Variants in DLK1 observed in about 807,000 individuals in gnomAD.
The protein encoded by DLK1 is protein delta homolog 1.
In DLK1, 9 loss-of-function variants were observed where a neutral mutation model predicts 35.2. The ratio of observed to expected loss-of-function variants is 0.26; its 90% CI spans 0.15 to 0.45. The LOEUF (loss-of-function observed/expected upper bound fraction) is 0.45. Among genes scored for constraint, DLK1 ranks in the 20% least tolerant of loss-of-function variants. DLK1 has a pLI of 1.00. For synonymous variants in DLK1, 231 were observed against 228.4 expected, an observed-to-expected ratio of 1.01 and a Z score of -0.10; for missense variants, 522 against 528.5, an observed-to-expected ratio of 0.99 and a Z score of 0.12.
At chr14:100,730,738 G>A (rs2139860614) in intron 3 of DLK1, among the ~76,000 whole-genome samples, 1 of 152,346 alleles carries the variant, frequency 6.6e-6, no homozygotes, top group East Asian at 1.9e-4. Flanking sequence ...CTGACGCGGA[G>A]GCGCCACGTG....
chr14:100,736,865 C>T lies in DLK1; in HGVS notation c.*1969C>T, dbSNP rs1321481879. 2 of 148,694 alleles carry T rather than the reference C, an allele frequency of 1.3e-5. No individual in the cohort carries two copies. The highest frequency in any genetic ancestry group is 2.2e-4 in the South Asian group (1 of 4,544). The allele number at this position is 148,694 out of a possible 1,614,324, so 9.2% of individuals were successfully genotyped here. On this transcript the variant is annotated 3_prime_UTR_variant, in exon 5 of 5. Transcript: ENST00000341267. ...CCCTTCCCCTTCTCCAGCTCCCGTC[C>T]CCACTACCCCTCCCGTCCCCCAATC...
rs1291224051 is a variant in DLK1 at position 100,735,224 on chromosome 14, G to A, written c.*328G>A. ...GGCAACAGAACCAGGGCTCAGTGCCGACGCCCCTACCCTGGGGGTCTCGGC... is the reference window on the plus strand; with the variant it reads ...GGCAACAGAACCAGGGCTCAGTGCCAACGCCCCTACCCTGGGGGTCTCGGC... On this transcript the variant is annotated 3_prime_UTR_variant, in exon 5 of 5. Coordinates refer to ENST00000341267, the MANE Select transcript of DLK1 (RefSeq NM_003836.7). 1.3e-5 allele frequency: 3 copies of A among 225,738 alleles called. No individual in the cohort carries two copies. The highest frequency in any genetic ancestry group is 2.6e-5 in the Non-Finnish European group (3 of 117,354). The allele number at this position is 225,738 out of a possible 1,614,324, so 14.0% of individuals were successfully genotyped here.
chr14:100,728,177 G>C (rs1327653622), intron 1 of DLK1, among the ~76,000 whole-genome samples: 1 of 152,144 alleles, frequency 6.6e-6, no homozygotes, highest in Non-Finnish European at 1.5e-5. Flanking sequence ...AGTGTACTGT[G>C]GTCATTTCAT....
chr14:100,735,246 C>G lies in DLK1; in HGVS notation c.*350C>G, dbSNP rs1200229271. On this transcript the variant is annotated 3_prime_UTR_variant, in exon 5 of 5. Coordinates refer to ENST00000341267, the MANE Select transcript of DLK1 (RefSeq NM_003836.7). The stretch of plus-strand genomic sequence containing the variant: ...GCCGACGCCCCTACCCTGGGGGTCT[C>G]GGCCACATGGTCCTCGTGAAACCGT... 1 of 204,324 alleles carries G rather than the reference C, an allele frequency of 4.9e-6. No individual in the cohort carries two copies. 12.7% of individuals were successfully genotyped at this position (204,324 alleles called of 1,614,324 possible). A position where few individuals can be genotyped will look rare whatever the true frequency, so the allele number is the denominator to read the frequency against.
At position 100,735,168 on chromosome 14, in the gene DLK1, T is replaced by A. The variant is rs1204740297; in HGVS notation, c.*272T>A. 2.3e-5 allele frequency: 8 copies of A among 344,924 alleles called. No individual in the cohort carries two copies. Among genetic ancestry groups the A allele is most frequent in the Non-Finnish European group, 3.5e-5 (7 of 201,034 alleles). The allele number at this position is 344,924 out of a possible 1,614,324, so 21.4% of individuals were successfully genotyped here. On this transcript the variant is annotated 3_prime_UTR_variant, in exon 5 of 5. Transcript: ENST00000341267. ...TGTTATTCTAAAATCTAAACTCAAA[T>A]GAAATTTCAAAAAAGACCAAAAAAA...
At chr14:100,729,178 C>A (rs748943993) in intron 3 of DLK1, 112 bp downstream of exon 3, 64 of 1,538,358 alleles carry the variant, frequency 4.2e-5, no homozygotes, top group Non-Finnish European at 5.0e-5. Context: ...CTCATTCCTG[C>A]ACACTCCGTG....
intron 2 of DLK1, 78 bp downstream of exon 2, chr14:100,728,537 A>G (rs1473329457): frequency 2.5e-5 from 37 of 1,464,928 alleles, no homozygotes; most frequent in Non-Finnish European, 3.5e-5. Flanking sequence ...GGCAGAAAAA[A>G]ATAGGGGGCT....
chr14:100,727,156 G>A, intron 1 of DLK1, 21 bp downstream of exon 1: 1 of 1,552,696 alleles, frequency 6.4e-7, no homozygotes, highest in East Asian at 2.4e-5. Context: ...CGGCGGCCCG[G>A]CTCGCGCCCC....
chr14:100,728,840 C>A, intron 2 of DLK1, 96 bp from the exon 3 acceptor site: 1 of 1,515,080 alleles, frequency 6.6e-7, no homozygotes, highest in Non-Finnish European at 9.0e-7. Context: ...GTGCAAAGAC[C>A]CCCAAGGGTC....
chr14:100,728,011 CTCAGGTTGCAAAAGTGACGG>C (rs1183339831), intron 1 of DLK1, among the ~76,000 whole-genome samples: 1 of 152,198 alleles, frequency 6.6e-6, no homozygotes, highest in African/African-American at 2.4e-5. Flanking sequence ...CTCTTTTCAG[CTCAGGTTGCAAAAGTGACGG>C]TCAGGCTGCA....
At chr14:100,729,405 C>T (rs998478164) in intron 3 of DLK1, among the ~76,000 whole-genome samples, 2 of 152,154 alleles carry the variant, frequency 1.3e-5, no homozygotes, top group Non-Finnish European at 2.9e-5. Context: ...CTGTCCAGGT[C>T]ATGGAAGCCC....
intron 4 of DLK1, among the ~76,000 whole-genome samples, chr14:100,733,637 G>A (rs995783097): frequency 2.6e-5 from 4 of 152,168 alleles, no homozygotes; most frequent in East Asian, 1.9e-4. Context: ...GGACGACAGC[G>A]GGTCCCGGGA....
At position 100,735,581 on chromosome 14, in the gene DLK1, C is replaced by T. The variant is rs1032630332; in HGVS notation, c.*685C>T. ...CCTCTCGAGGGAGGGGTTTGAACAC[C>T]GACCACCATGGTCCTCTCTGGCTCT... On this transcript the variant is annotated 3_prime_UTR_variant, in exon 5 of 5. Coordinates refer to ENST00000341267, the MANE Select transcript of DLK1 (RefSeq NM_003836.7). 3.9e-5 allele frequency: 6 copies of T among 152,188 alleles called. No individual in the cohort carries two copies. Among genetic ancestry groups the T allele is most frequent in the Non-Finnish European group, 7.4e-5 (5 of 68,012 alleles). 9.4% of individuals were successfully genotyped at this position (152,188 alleles called of 1,614,324 possible).
Position 100,728,988 on chromosome 14 carries a change from G to C in DLK1, c.184G>C (p.Gly62Arg). The C allele has an allele frequency of 1.9e-6, 3 of 1,614,060 alleles. No individual in the cohort carries two copies. Among genetic ancestry groups the C allele is most frequent in the Non-Finnish European group, 2.5e-6 (3 of 1,180,022 alleles). Residue 62 changes from glycine to arginine, a missense_variant, in exon 3 of 5, where the codon GGC (glycine) becomes CGC (arginine). Transcript: ENST00000341267. ...PLCDQCVTSP[G>R]CLHGLCGEPG... ...TTGTGACCAGTGCGTGACCTCTCCCGGCTGCCTTCACGGACTCTGTGGAGA... is the reference window on the plus strand; with the variant it reads ...TTGTGACCAGTGCGTGACCTCTCCCCGCTGCCTTCACGGACTCTGTGGAGA...
At chr14:100,732,231 G>A (rs2036518294) in intron 4 of DLK1, 48 bp downstream of exon 4, 2 of 1,587,460 alleles carry the variant, frequency 1.3e-6, no homozygotes, top group Non-Finnish European at 1.7e-6. Flanking sequence ...CTTTTCATGC[G>A]GCCACCAAAG....
rs781097687 is a variant in DLK1, at chr14:100,734,591, C to T, written c.847C>T (p.Arg283Cys). The change falls in exon 5 of 5, where the codon CGC becomes TGC. Residue 283 changes from arginine to cysteine, a missense_variant. Coordinates refer to ENST00000341267, the MANE Select transcript of DLK1 (RefSeq NM_003836.7). The surrounding 1 kb of genome is among the most constrained non-coding windows in gnomAD (Gnocchi z 7.4). ...HELPVQQPEHRILKVSMKELN... is the reference protein window; with the variant it reads ...HELPVQQPEHCILKVSMKELN... ...GCTGCCGGTGCAGCAGCCGGAGCAC[C>T]GCATCCTGAAGGTGTCCATGAAAGA... is the stretch of plus-strand genomic sequence containing the variant. 17 of 1,613,820 alleles carry T rather than the reference C, an allele frequency of 1.1e-5. No individual in the cohort carries two copies. Among genetic ancestry groups the T allele is most frequent in the South Asian group, 2.2e-5 (2 of 91,082 alleles).
Position 100,734,917 on chromosome 14 carries a change from T to G in DLK1, c.*21T>G. ...TCTAAGCAGCGTTCCCACAGCCCCC[T>G]CTAGATTCTTGGAGTTCCGCAGAGC... On this transcript the variant is annotated 3_prime_UTR_variant, in exon 5 of 5. Coordinates refer to ENST00000341267, the MANE Select transcript of DLK1 (RefSeq NM_003836.7). The surrounding 1 kb of genome is among the most constrained non-coding windows in gnomAD (Gnocchi z 7.4). 6.5e-7 allele frequency: 1 copy of G among 1,545,304 alleles called. No homozygotes were observed. Among genetic ancestry groups the G allele is most frequent in the Non-Finnish European group, 8.7e-7 (1 of 1,151,390 alleles).
rs146879746 is a variant in DLK1, at chr14:100,734,239, T to C, written c.495T>C (p.Asn165=). 417 of 1,613,338 alleles carry C rather than the reference T, an allele frequency of 2.6e-4. 5 individuals are homozygous for C. In the South Asian group the frequency reaches 3.5e-3, roughly 13 times the overall value. The part of the protein sequence containing the change: ...SCLCPPGFSG[N]FCEIVANSCT... ...TGTGCCCCCCTGGCTTCTCAGGCAA[T>C]TTCTGCGAGATCGTGGCCAACAGCT... is the stretch of plus-strand genomic sequence containing the variant. Residue 165 remains asparagine, a synonymous_variant, in exon 5 of 5, where the codon AAT becomes AAC. Coordinates refer to ENST00000341267, the MANE Select transcript of DLK1 (RefSeq NM_003836.7). This position sits in a 1 kb window ranked among gnomAD's most constrained non-coding sequence, Gnocchi z 7.4.
At chr14:100,728,784 C>G (rs1169100547) in intron 2 of DLK1, 152 bp from the exon 3 acceptor site, 2 of 1,063,474 alleles carry the variant, frequency 1.9e-6, no homozygotes, top group Non-Finnish European at 2.7e-6. Flanking sequence ...TAAGTTTTCC[C>G]ATTCAGGTGG....
Sources: gnomAD v4.1 joint callset for allele counts (sites outside exome capture counted in the v4.1 genomes callset) on GRCh38, gnomAD v4.1.1 for gene constraint, Gnocchi (gnomAD v3.1) non-coding constraint, MANE v1.5 for transcripts, NCBI Gene and HGNC (gene_info 2026-07-23, HGNC 2026-07-21) for gene names.